PALM2AKAP2: variants seen among roughly 807,000 people sequenced by gnomAD.
The protein encoded by PALM2AKAP2 is PALM2 and AKAP2 fusion, also known as PALM2-AKAP2 fusion protein.
A neutral mutation model predicts 71.5 loss-of-function variants in PALM2AKAP2; 37 were observed. The observed-to-expected ratio is 0.52, with a 90% confidence interval of 0.40 to 0.68. The LOEUF (loss-of-function observed/expected upper bound fraction) is 0.68. PALM2AKAP2 is among the 30% of genes least tolerant of loss of function. PALM2AKAP2 has a pLI of 0.00. For synonymous variants in PALM2AKAP2, 468 were observed against 478.8 expected (o/e 0.98, Z 0.29); for missense variants, 1,224 against 1,191.8 (o/e 1.03, Z -0.40).
At chr9:110,150,225 G>A (rs943832251) in intron 2 of PALM2AKAP2, among the ~76,000 whole-genome samples, 1 of 152,236 alleles carries the variant, frequency 6.6e-6, no homozygotes, top group African/African-American at 2.4e-5. Context: ...CTGGCACCTC[G>A]ATCTTGGACT....
intron 5 of PALM2AKAP2, among the ~76,000 whole-genome samples, chr9:109,929,996 C>T (rs530721289): frequency 7.9e-5 from 12 of 152,162 alleles, no homozygotes; most frequent in Non-Finnish European, 1.0e-4. Context: ...TTCAGGGGGT[C>T]CCTGCAGGCT....
At chr9:109,878,682 C>A (rs981578699) in intron 2 of PALM2AKAP2, among the ~76,000 whole-genome samples, 2 of 152,144 alleles carry the variant, frequency 1.3e-5, no homozygotes, top group African/African-American at 4.8e-5. Flanking sequence ...CCCTGGACTT[C>A]TCAATAGAAT....
rs1260696667 is a variant in PALM2AKAP2, at chr9:110,156,525, C to T, written c.2748+28C>T. 1.3e-6 allele frequency: 2 copies of T among 1,573,804 alleles called. 1 individual carries two copies. Among genetic ancestry groups the T allele is most frequent in the South Asian group, 2.4e-5 (2 of 84,174 alleles). On this transcript the variant is annotated intron_variant, in intron 3 of 3. Transcript: ENST00000374525. Reference sequence around the variant, plus strand: ...AAGTTTTTCCTCCTTTCCTCTTTCACTTCTCTGAGCGCGGCCATCGGTGTG... The same window carrying T: ...AAGTTTTTCCTCCTTTCCTCTTTCATTTCTCTGAGCGCGGCCATCGGTGTG...
At chr9:110,133,915 A>G (rs1835789322) in intron 1 of PALM2AKAP2, among the ~76,000 whole-genome samples, 1 of 152,196 alleles carries the variant, frequency 6.6e-6, no homozygotes. Flanking sequence ...TCAGCATTCA[A>G]ATTTTGTGTA....
intron 1 of PALM2AKAP2, among the ~76,000 whole-genome samples, chr9:109,855,064 G>T (rs561032999): frequency 1.5e-3 from 214 of 144,930 alleles, no homozygotes; most frequent in Non-Finnish European, 2.4e-3. Context: ...CACCATGCCT[G>T]GTGCCCCCCC....
chr9:110,033,992 T>TA (rs1833333427), intron 7 of PALM2AKAP2, among the ~76,000 whole-genome samples: 1 of 152,184 alleles, frequency 6.6e-6, no homozygotes, highest in African/African-American at 2.4e-5. Context: ...CACAGGGAGA[T>TA]AAAGTAACCT....
At chr9:109,722,273 A>G (rs1177374282) in intron 1 of PALM2AKAP2, among the ~76,000 whole-genome samples, 2 of 152,230 alleles carry the variant, frequency 1.3e-5, no homozygotes. Flanking sequence ...AAATTTGTGA[A>G]AAAAGAATAC....
At chr9:109,989,877 C>T (rs1008516479) in intron 6 of PALM2AKAP2, among the ~76,000 whole-genome samples, 1 of 152,180 alleles carries the variant, frequency 6.6e-6, no homozygotes, top group African/African-American at 2.4e-5. Flanking sequence ...CCTAAAGATC[C>T]CTCTCCTAAT....
At chr9:110,167,850 C>A (rs1329613706) in intron 3 of PALM2AKAP2, among the ~76,000 whole-genome samples, 1 of 152,088 alleles carries the variant, frequency 6.6e-6, no homozygotes, top group Non-Finnish European at 1.5e-5. Flanking sequence ...TATGAAGAGA[C>A]TAAGACCATC....
intron 1 of PALM2AKAP2, among the ~76,000 whole-genome samples, chr9:110,076,804 G>T (rs927795204): frequency 1.3e-5 from 2 of 152,148 alleles, no homozygotes; most frequent in East Asian, 3.9e-4. Context: ...CTTTTTATGG[G>T]TTACTTATTC....
chr9:109,775,512 A>T (rs1829337692), upstream of PALM2AKAP2, among the ~76,000 whole-genome samples: 1 of 152,248 alleles, frequency 6.6e-6, no homozygotes, highest in African/African-American at 2.4e-5. Context: ...AGGAGCCAAG[A>T]GGACCACAGG....
chr9:110,044,344 C>CTTTTTTTTTTTTTTTTTTTTTTTTTT (rs57314430), upstream of PALM2AKAP2, among the ~76,000 whole-genome samples: 6 of 80,154 alleles, frequency 7.5e-5, no homozygotes, highest in Admixed American at 1.6e-4. Context: ...TTCTTTCTTT[C>CTTTTTTTTTTTTTTTTTTTTTTTTTT]TTTTTTTTTT....
At chr9:109,711,077 T>C (rs1828227702) in intron 1 of PALM2AKAP2, among the ~76,000 whole-genome samples, 1 of 152,052 alleles carries the variant, frequency 6.6e-6, no homozygotes, top group Non-Finnish European at 1.5e-5. Context: ...GGAATTCAAG[T>C]GGAAAAAAGG....
intron 1 of PALM2AKAP2, among the ~76,000 whole-genome samples, chr9:110,085,003 G>T (rs1319867986): frequency 2.0e-5 from 3 of 152,068 alleles, no homozygotes; most frequent in Non-Finnish European, 2.9e-5. Context: ...GCCTCTCAAA[G>T]TGCTGGGATT....
At chr9:110,062,608 A>G (rs1331855383) in intron 1 of PALM2AKAP2, among the ~76,000 whole-genome samples, 1 of 152,202 alleles carries the variant, frequency 6.6e-6, no homozygotes. Flanking sequence ...AGGTTTTAGA[A>G]TGTGCTAGGT....
intron 1 of PALM2AKAP2, among the ~76,000 whole-genome samples, chr9:109,796,210 A>T (rs1311627343): frequency 1.3e-5 from 2 of 152,246 alleles, no homozygotes; most frequent in African/African-American, 2.4e-5. Flanking sequence ...TAAAAATATA[A>T]CCAATGAAAT....
At chr9:110,000,635 TA>T in intron 6 of PALM2AKAP2, among the ~76,000 whole-genome samples, 1 of 152,368 alleles carries the variant, frequency 6.6e-6, no homozygotes, top group South Asian at 2.1e-4. Context: ...ACCAACAGTG[TA>T]AAAGTATTCC....
chr9:109,829,975 C>G (rs1198370481), intron 1 of PALM2AKAP2, among the ~76,000 whole-genome samples: 4 of 152,066 alleles, frequency 2.6e-5, no homozygotes, highest in Non-Finnish European at 4.4e-5. Context: ...CATCCATATG[C>G]CCCAGGAGAA....
At chr9:109,873,776 C>G (rs2131727640) in intron 2 of PALM2AKAP2, among the ~76,000 whole-genome samples, 1 of 152,244 alleles carries the variant, frequency 6.6e-6, no homozygotes, top group Non-Finnish European at 1.5e-5. Context: ...TTCTCATTCA[C>G]CTCCTACTTC....
Sources: allele counts gnomAD v4.1 joint callset (sites outside exome capture counted in the v4.1 genomes callset), GRCh38; gene constraint gnomAD v4.1.1; transcripts MANE v1.5; gene names NCBI Gene and HGNC (gene_info 2026-07-23, HGNC 2026-07-21).